Variants in LRP2 observed in about 807,000 individuals in gnomAD.
LRP2 encodes the protein low-density lipoprotein receptor-related protein 2.
Under a neutral mutation model 531.0 loss-of-function variants are expected in LRP2, and 172 were observed. That is an observed-to-expected ratio of 0.32 (90% CI 0.29 to 0.37). LRP2 has a LOEUF of 0.37. LRP2 is among the 10% of genes least tolerant of loss of function. The probability of loss-of-function intolerance (pLI) is 1.00; values close to 1 mark genes in which losing one functional copy is unlikely to be tolerated. For missense variants in LRP2, 5,167 were observed against 5,868.3 expected (o/e 0.88, Z 3.90); for synonymous variants, 1,992 against 2,027.6 (o/e 0.98, Z 0.47).
intron 58 of LRP2, among the ~76,000 whole-genome samples, chr2:169,171,390 T>C (rs1264865353): frequency 6.6e-6 from 1 of 152,222 alleles, no homozygotes; most frequent in Non-Finnish European, 1.5e-5. Context: ...GAGTGTGTTC[T>C]GACCATCTAA....
At chr2:169,331,368 C>T (rs141897398) in intron 1 of LRP2, among the ~76,000 whole-genome samples, 11 of 152,234 alleles carry the variant, frequency 7.2e-5, no homozygotes, top group African/African-American at 1.4e-4. Flanking sequence ...AAGTTTTTAC[C>T]AAGAACGCTG....
At chr2:169,230,418 G>A (rs1452411618) in intron 31 of LRP2, among the ~76,000 whole-genome samples, 1 of 152,192 alleles carries the variant, frequency 6.6e-6, no homozygotes, top group Non-Finnish European at 1.5e-5. Context: ...GATGGAATTT[G>A]ATTTTCAGTA....
chr2:169,222,627 A>T (rs531396777), intron 33 of LRP2, among the ~76,000 whole-genome samples: 1 of 152,330 alleles, frequency 6.6e-6, no homozygotes, highest in African/African-American at 2.4e-5. Context: ...TTTCCTACAT[A>T]TACACACCTA....
In LRP2 at chr2:169,312,186, C is replaced by A. The variant is rs575068403; in HGVS notation, c.311-4789G>T. 5.5e-4 allele frequency among the ~76,000 whole-genome samples: 84 copies of A among 152,012 alleles called. No individual in the cohort carries two copies. The East Asian group carries it at 9.7e-3, about 18-fold the overall frequency. On this transcript the variant is annotated intron_variant, in intron 3 of 78. Coordinates refer to ENST00000649046, the MANE Select transcript of LRP2 (RefSeq NM_004525.3). Reference sequence around the variant, plus strand: ...GCCAGTCTGTGTCTTTTAATTGGAGCATTTAGCCCATTTACATTTAAGGTT... The same window carrying A: ...GCCAGTCTGTGTCTTTTAATTGGAGAATTTAGCCCATTTACATTTAAGGTT...
intron 15 of LRP2, among the ~76,000 whole-genome samples, chr2:169,272,572 T>C (rs2105440009): frequency 6.6e-6 from 1 of 152,092 alleles, no homozygotes; most frequent in South Asian, 2.1e-4. Context: ...GTGGAAAAGG[T>C]ATACATAGCA....
chr2:169,207,340 G>A (rs912948108), intron 38 of LRP2, 90 bp from the exon 39 acceptor site: 2 of 896,840 alleles, frequency 2.2e-6, no homozygotes, highest in African/African-American at 1.7e-5. Flanking sequence ...AAATATATAA[G>A]GTTGAAGTCT....
At chr2:169,181,736 CTGAATT>C (rs769171879) in intron 51 of LRP2, 118 bp from the exon 52 acceptor site, 2,196 of 75,038 alleles carry the variant, frequency 0.029, 39 homozygotes, top group Middle Eastern at 0.017. Flanking sequence ...AGACTGCATT[CTGAATT>C]CTTTTCTGCA....
At chr2:169,218,892 A>G (rs1437132386) in intron 34 of LRP2, among the ~76,000 whole-genome samples, 3 of 152,186 alleles carry the variant, frequency 2.0e-5, no homozygotes, top group African/African-American at 7.2e-5. Context: ...TACGTAGAGT[A>G]GAGCTTCCTC....
intron 43 of LRP2, 31 bp from the exon 44 acceptor site, chr2:169,201,901 C>A: frequency 6.2e-7 from 1 of 1,613,280 alleles, no homozygotes; most frequent in South Asian, 1.1e-5. Flanking sequence ...AGAACAAACC[C>A]TCTTGATTAA....
chr2:169,181,019 T>C (rs1049300024), intron 52 of LRP2, among the ~76,000 whole-genome samples: 3 of 152,218 alleles, frequency 2.0e-5, no homozygotes, highest in Admixed American at 2.0e-4. Context: ...ACCATAAATG[T>C]GCCAAAGTAT....
intron 63 of LRP2, among the ~76,000 whole-genome samples, chr2:169,160,273 C>G (rs1177391164): frequency 6.6e-6 from 1 of 152,078 alleles, no homozygotes; most frequent in East Asian, 1.9e-4. Context: ...TTTAGGTGCT[C>G]TTACCACAAA....
At chr2:169,171,235 C>T (rs191186546) in intron 58 of LRP2, among the ~76,000 whole-genome samples, 9 of 152,210 alleles carry the variant, frequency 5.9e-5, no homozygotes, top group Admixed American at 4.6e-4. Flanking sequence ...CATTGCTTAT[C>T]GCAAGTGGTG....
Position 169,206,637 on chromosome 2 carries a change from A to T in LRP2, c.7083T>A (p.Pro2361=). Residue 2361 remains proline (P), a synonymous_variant, in exon 39 of 79, where the codon CCT becomes CCA. Coordinates refer to ENST00000649046, the MANE Select transcript of LRP2 (RefSeq NM_004525.3). The part of the protein sequence containing the change: ...GGCSHLCFAL[P]GLHTPKCDCA... ...AGTCACATTTTGGGGTGTGCAATCC[A>T]GGCAGAGCAAAGCAGAGATGAGAGC... The T allele has an allele frequency of 6.2e-7, 1 of 1,614,168 alleles. No individual in the cohort carries two copies. Among genetic ancestry groups the T allele is most frequent in the Non-Finnish European group, 8.5e-7 (1 of 1,180,020 alleles).
rs555115055 is a variant in LRP2 at position 169,246,120 on chromosome 2, G to T, written c.3190+585C>A. Among the ~76,000 whole-genome samples, 443 of 151,930 alleles carry T rather than the reference G, an allele frequency of 2.9e-3. 2 individuals are homozygous for T. The highest frequency in any genetic ancestry group is 0.01 in the African/African-American group (422 of 41,452). ...TGTTTTTTTTGTATTTTGTAATTTT[G>T]TATTTTGTAATAGTCCCAGCTATTT... On this transcript the variant is annotated intron_variant, in intron 21 of 78. Transcript: ENST00000649046.
chr2:169,154,703 A>G, intron 65 of LRP2, 100 bp from the exon 66 acceptor site: 1 of 1,084,806 alleles, frequency 9.2e-7, no homozygotes, highest in East Asian at 2.4e-5. Flanking sequence ...CTTTTTAAAG[A>G]ACATGAGTTT....
chr2:169,324,954 A>G (rs762347275), intron 1 of LRP2, among the ~76,000 whole-genome samples: 3 of 152,130 alleles, frequency 2.0e-5, no homozygotes, highest in Non-Finnish European at 4.4e-5. Flanking sequence ...AAGCTATCAG[A>G]GCAAACAATG....
At chr2:169,196,134 C>T (rs1356361771) in intron 46 of LRP2, among the ~76,000 whole-genome samples, 1 of 152,130 alleles carries the variant, frequency 6.6e-6, no homozygotes, top group Non-Finnish European at 1.5e-5. Flanking sequence ...TTTAGGCTTA[C>T]AGGCCCTATG....
At chr2:169,147,254 C>T (rs1047172276) in intron 68 of LRP2, among the ~76,000 whole-genome samples, 1 of 152,218 alleles carries the variant, frequency 6.6e-6, no homozygotes, top group African/African-American at 2.4e-5. Context: ...GTTCACTCTT[C>T]AAGAAATATT....
At chr2:169,273,148 T>C in intron 14 of LRP2, 81 bp from the exon 15 acceptor site, 1 of 1,513,002 alleles carries the variant, frequency 6.6e-7, no homozygotes, top group Non-Finnish European at 9.2e-7. Context: ...CTAGCCCTTT[T>C]CACCTATAGG....
Sources: allele counts gnomAD v4.1 joint callset (sites outside exome capture counted in the v4.1 genomes callset), GRCh38; gene constraint gnomAD v4.1.1; transcripts MANE v1.5; gene names NCBI Gene and HGNC (gene_info 2026-07-23, HGNC 2026-07-21).